The following AXDND1 variants were observed in gnomAD, a reference collection of about 807,000 sequenced individuals.
AXDND1 encodes the protein axonemal dynein light chain domain-containing protein 1.
A neutral mutation model predicts 137.5 loss-of-function variants in AXDND1; 110 were observed. The ratio of observed to expected loss-of-function variants is 0.80; its 90% CI spans 0.69 to 0.94. The LOEUF (loss-of-function observed/expected upper bound fraction) is 0.94, where lower values mean the gene tolerates loss of function less well. AXDND1 is among the 40% of genes least tolerant of loss of function. The pLI is 0.00. For missense variants in AXDND1, 1,191 were observed against 1,169.8 expected (o/e 1.02, Z -0.26); for synonymous variants, 414 against 399.7 (o/e 1.04, Z -0.43).
At chr1:179,535,992 ATG>A (rs1467388084) in intron 25 of AXDND1, among the ~76,000 whole-genome samples, 1 of 152,068 alleles carries the variant, frequency 6.6e-6, no homozygotes, top group Non-Finnish European at 1.5e-5. Context: ...AGCATTTTTC[ATG>A]TGTCTGTTGG....
chr1:179,541,221 C>G (rs1672102111), intron 25 of AXDND1, among the ~76,000 whole-genome samples: 1 of 152,184 alleles, frequency 6.6e-6, no homozygotes, highest in African/African-American at 2.4e-5. Context: ...ACCGTCGCAC[C>G]TGGTACAGTC....
At chr1:179,531,603 G>A (rs923734385) in intron 23 of AXDND1, among the ~76,000 whole-genome samples, 2 of 152,082 alleles carry the variant, frequency 1.3e-5, no homozygotes, top group African/African-American at 4.8e-5. Flanking sequence ...AGTAGGGGAC[G>A]AGGTTGATTG....
At position 179,397,214 on chromosome 1, in the gene AXDND1, A is replaced by G. The variant is rs544927857; in HGVS notation, c.1109+2012A>G. 7.9e-5 allele frequency among the ~76,000 whole-genome samples: 12 copies of G among 152,282 alleles called. No homozygotes were observed. In the South Asian group the frequency reaches 2.5e-3, roughly 32 times the overall value. On this transcript the variant is annotated intron_variant, in intron 11 of 25. Transcript: ENST00000367618. Reference sequence around the variant, plus strand: ...ATTTTCTCAGCACTTGCTTGTCTATAAAGGATCTTATTTCCCCTTCACTTA... The same window carrying G: ...ATTTTCTCAGCACTTGCTTGTCTATGAAGGATCTTATTTCCCCTTCACTTA...
At chr1:179,520,585 A>G (rs969693538) in intron 21 of AXDND1, among the ~76,000 whole-genome samples, 11 of 151,946 alleles carry the variant, frequency 7.2e-5, no homozygotes, top group Admixed American at 6.6e-4. Context: ...CTATTTTTCT[A>G]TATAACTTTA....
At chr1:179,418,996 C>A (rs145741861) in intron 12 of AXDND1, among the ~76,000 whole-genome samples, 8 of 150,334 alleles carry the variant, frequency 5.3e-5, no homozygotes, top group African/African-American at 1.7e-4. Context: ...GGGGCAGAGG[C>A]GCTCCCCACA....
At position 179,445,061 on chromosome 1, in the gene AXDND1, G is replaced by A. The variant is rs752015223; in HGVS notation, c.1655G>A (p.Trp552Ter). 1.9e-6 allele frequency: 3 copies of A among 1,613,322 alleles called. No individual in the cohort carries two copies. In the African/African-American group the frequency reaches 4.0e-5, roughly 22 times the overall value. ...ATTATTAAACATTTACAGGAAAACT[G>A]GGCAGATATTGGGCTTGGGATATTT... is the stretch of plus-strand genomic sequence containing the variant. ...LKIIKHLQEN[W>*]ADIGLGIFNR... Residue 552 changes from tryptophan (W) to a stop codon, truncating the protein, a stop_gained, in exon 16 of 26, where the codon TGG becomes TAG. Transcript: ENST00000367618. LOFTEE classifies it high-confidence loss of function.
intron 9 of AXDND1, among the ~76,000 whole-genome samples, chr1:179,391,398 C>T (rs1219742153): frequency 1.3e-5 from 2 of 151,944 alleles, no homozygotes; most frequent in Non-Finnish European, 2.9e-5. Flanking sequence ...TTGTTGTTGC[C>T]ATAATCCCCA....
At chr1:179,388,287 C>A (rs1649545012) in intron 9 of AXDND1, among the ~76,000 whole-genome samples, 2 of 152,150 alleles carry the variant, frequency 1.3e-5, no homozygotes, top group South Asian at 4.1e-4. Context: ...ATTTCCTGTA[C>A]CTATATCTAT....
At position 179,525,352 on chromosome 1, in the gene AXDND1, A is replaced by G. The variant is rs770900345; in HGVS notation, c.2515A>G (p.Ile839Val). The change falls in exon 22 of 26, where the codon ATT becomes GTT. Residue 839 changes from isoleucine (I) to valine (V), a missense_variant. Ile to Val is a conservative substitution (Grantham distance 29). Coordinates refer to ENST00000367618, the MANE Select transcript of AXDND1 (RefSeq NM_144696.6). Reference protein sequence around the residue: ...LLEEEAVKEFIEPEIDESFKE... With the variant: ...LLEEEAVKEFVEPEIDESFKE... The stretch of plus-strand genomic sequence containing the variant: ...CTCACAGGAGGCTGTAAAAGAATTC[A>G]TTGAGCCTGAAATAGACGAGTCTTT... The G allele has an allele frequency of 6.2e-7, 1 of 1,611,456 alleles. No individual in the cohort carries two copies. Among genetic ancestry groups the G allele is most frequent in the Non-Finnish European group, 8.5e-7 (1 of 1,178,454 alleles).
chr1:179,468,603 T>TA lies in AXDND1; in HGVS notation c.1959_1960insA (p.Gly654ArgfsTer21), dbSNP rs762686889. Reference sequence around the variant, plus strand: ...ACTTGGATATATTGTTAAACCTTACTGGTATTGTTCCACAGCACATAGATG... The same window carrying TA: ...ACTTGGATATATTGTTAAACCTTACTAGGTATTGTTCCACAGCACATAGATG... On this transcript the variant is annotated frameshift_variant, in exon 17 of 26. Coordinates refer to ENST00000367618, the MANE Select transcript of AXDND1 (RefSeq NM_144696.6). LOFTEE classifies it high-confidence loss of function. 1 of 1,612,340 alleles carries TA rather than the reference T, an allele frequency of 6.2e-7. No homozygotes were observed. Among genetic ancestry groups the TA allele is most frequent in the Non-Finnish European group, 8.5e-7 (1 of 1,179,664 alleles).
At chr1:179,545,567 G>A (rs574298054) in intron 25 of AXDND1, 9 of 137,062 alleles carry the variant, frequency 6.6e-5, no homozygotes, top group South Asian at 4.2e-4. Flanking sequence ...GCTGCCTGAC[G>A]GAACAGAGCC....
intron 12 of AXDND1, among the ~76,000 whole-genome samples, chr1:179,416,216 A>G (rs768480555): frequency 1.3e-5 from 2 of 152,062 alleles, no homozygotes; most frequent in Non-Finnish European, 1.5e-5. Flanking sequence ...GGCTTATTTC[A>G]CTTAACAAAA....
At chr1:179,464,781 A>G (rs942341174) in intron 16 of AXDND1, among the ~76,000 whole-genome samples, 1 of 152,116 alleles carries the variant, frequency 6.6e-6, no homozygotes, top group Admixed American at 6.5e-5. Flanking sequence ...CTTTTCACAT[A>G]GTCGCATATT....
At chr1:179,377,655 G>A (rs1647500158) in intron 4 of AXDND1, among the ~76,000 whole-genome samples, 2 of 152,182 alleles carry the variant, frequency 1.3e-5, no homozygotes, top group Admixed American at 1.3e-4. Flanking sequence ...CAGAAAAGTT[G>A]CAAATGTGAT....
chr1:179,524,609 G>C (rs1558302751), intron 21 of AXDND1, among the ~76,000 whole-genome samples: 1 of 152,034 alleles, frequency 6.6e-6, no homozygotes, highest in Non-Finnish European at 1.5e-5. Context: ...TGTAAACTAA[G>C]TGTCATTCAA....
At chr1:179,412,121 G>C (rs1283366967) in intron 12 of AXDND1, among the ~76,000 whole-genome samples, 1 of 152,078 alleles carries the variant, frequency 6.6e-6, no homozygotes, top group African/African-American at 2.4e-5. Context: ...AAAGTGCTGG[G>C]ATTACATGCA....
At chr1:179,418,832 C>T (rs1444749965) in intron 12 of AXDND1, among the ~76,000 whole-genome samples, 56 of 151,578 alleles carry the variant, frequency 3.7e-4, no homozygotes, top group South Asian at 2.5e-3. Context: ...GGGCGGCTGC[C>T]GGGCGGAGGG....
chr1:179,532,814 G>C (rs1447328691), intron 23 of AXDND1, among the ~76,000 whole-genome samples: 1 of 152,122 alleles, frequency 6.6e-6, no homozygotes, highest in African/African-American at 2.4e-5. Context: ...GAGCCTGTGA[G>C]GTCAAGGCTA....
At chr1:179,544,323 C>T (rs1202695774) in intron 25 of AXDND1, 1 of 152,086 alleles carries the variant, frequency 6.6e-6, no homozygotes, top group African/African-American at 2.4e-5. Context: ...TTTTTGAAAA[C>T]TTTGAACTCT....
Sources: allele counts gnomAD v4.1 joint callset (sites outside exome capture counted in the v4.1 genomes callset), GRCh38; gene constraint gnomAD v4.1.1; transcripts MANE v1.5; gene names NCBI Gene and HGNC (gene_info 2026-07-23, HGNC 2026-07-21).